MAPK8: variants seen among roughly 807,000 people sequenced by gnomAD.
MAPK8 encodes the protein mitogen-activated protein kinase 8.
A neutral mutation model predicts 52.9 loss-of-function variants in MAPK8; 13 were observed. The observed-to-expected ratio is 0.25, with a 90% CI of 0.16 to 0.39. The LOEUF (loss-of-function observed/expected upper bound fraction) is 0.39, where lower values mean the gene tolerates loss of function less well. Ranked by LOEUF, MAPK8 falls within the 10% of genes least tolerant of loss-of-function variation. MAPK8 has a pLI of 1.00. For synonymous variants in MAPK8, 191 were observed against 169.8 expected, an observed-to-expected ratio of 1.12 and a Z score of -0.97; for missense variants, 300 against 519.2, an observed-to-expected ratio of 0.58 and a Z score of 4.10.
At chr10:48,327,185 C>G (rs1442015213) in intron 1 of MAPK8, among the ~76,000 whole-genome samples, 6 of 151,946 alleles carry the variant, frequency 3.9e-5, no homozygotes, top group African/African-American at 7.3e-5. Flanking sequence ...CCATTAAGTA[C>G]TATGTTCACT....
At chr10:48,398,956 C>T (rs1046614889) in intron 1 of MAPK8, among the ~76,000 whole-genome samples, 3 of 152,172 alleles carry the variant, frequency 2.0e-5, no homozygotes, top group Non-Finnish European at 4.4e-5. Context: ...ATACATTAAT[C>T]GAAACTCATC....
chr10:48,377,195 A>G (rs1361980169), intron 1 of MAPK8, among the ~76,000 whole-genome samples: 5 of 152,166 alleles, frequency 3.3e-5, no homozygotes, highest in African/African-American at 1.2e-4. Context: ...GGAGGGGAAC[A>G]TCACACACCA....
At chr10:48,333,936 C>T (rs1844405990) in intron 1 of MAPK8, among the ~76,000 whole-genome samples, 1 of 150,938 alleles carries the variant, frequency 6.6e-6, no homozygotes. Context: ...TGGAGCCTGG[C>T]GCTTCTGCCA....
intron 7 of MAPK8, among the ~76,000 whole-genome samples, chr10:48,424,776 G>A (rs1415907173): frequency 1.3e-5 from 2 of 151,974 alleles, no homozygotes; most frequent in Non-Finnish European, 2.9e-5. Context: ...TCTGAACCCT[G>A]CTCAATTGTA....
intron 7 of MAPK8, chr10:48,425,288 C>G: frequency 1.5e-6 from 1 of 670,506 alleles, no homozygotes; most frequent in Non-Finnish European, 2.7e-6. Context: ...CCAAGAAATC[C>G]TAACCTTACA....
At chr10:48,358,306 T>C (rs1483590254) in intron 1 of MAPK8, among the ~76,000 whole-genome samples, 1 of 152,216 alleles carries the variant, frequency 6.6e-6, no homozygotes, top group Non-Finnish European at 1.5e-5. Context: ...ATTCTAATTA[T>C]CCACATCGTG....
intron 1 of MAPK8, among the ~76,000 whole-genome samples, chr10:48,356,613 A>T (rs1182862995): frequency 6.6e-6 from 1 of 152,094 alleles, no homozygotes; most frequent in African/African-American, 2.4e-5. Flanking sequence ...AGGCCGAGGC[A>T]GGTGGATCAC....
At chr10:48,413,814 G>GTTATATAT (rs2042891864) in intron 5 of MAPK8, among the ~76,000 whole-genome samples, 7 of 31,140 alleles carry the variant, frequency 2.2e-4, no homozygotes, top group Non-Finnish European at 3.9e-4. Context: ...TGCCAGAATT[G>GTTATATAT]TTATATATAT....
chr10:48,318,992 A>AT (rs747820556), intron 1 of MAPK8, among the ~76,000 whole-genome samples: 22 of 152,110 alleles, frequency 1.4e-4, no homozygotes, highest in Non-Finnish European at 2.6e-4. Context: ...GGAGAGCTGG[A>AT]TTTTTTCTGG....
intron 5 of MAPK8, among the ~76,000 whole-genome samples, chr10:48,417,738 G>A (rs1480346082): frequency 6.6e-6 from 1 of 152,164 alleles, no homozygotes; most frequent in East Asian, 1.9e-4. Flanking sequence ...TCTGGGGTGA[G>A]CAGGAATATT....
At chr10:48,397,737 T>A (rs545055592) in intron 1 of MAPK8, among the ~76,000 whole-genome samples, 3 of 152,090 alleles carry the variant, frequency 2.0e-5, no homozygotes, top group Admixed American at 1.3e-4. Flanking sequence ...ACTACAGGCA[T>A]ATGCCACCAC....
chr10:48,334,581 T>C (rs1003303135), intron 1 of MAPK8, among the ~76,000 whole-genome samples: 1 of 152,090 alleles, frequency 6.6e-6, no homozygotes, highest in African/African-American at 2.4e-5. Flanking sequence ...TGAATAACAG[T>C]CTCAGGTTTG....
chr10:48,346,804 G>A (rs1042211014), intron 1 of MAPK8, among the ~76,000 whole-genome samples: 16 of 152,272 alleles, frequency 1.1e-4, no homozygotes, highest in African/African-American at 1.4e-4. Context: ...AAATAATGGC[G>A]TAAGCTGTCT....
intron 11 of MAPK8, 34 bp downstream of exon 11, chr10:48,431,304 GTTTAC>G (rs759471301): frequency 7.0e-7 from 1 of 1,431,828 alleles, no homozygotes; most frequent in Non-Finnish European, 9.8e-7. Flanking sequence ...TAAGATTACA[GTTTAC>G]TTCTTGTGTT....
At chr10:48,345,485 A>G (rs1466789038) in intron 1 of MAPK8, among the ~76,000 whole-genome samples, 1 of 152,232 alleles carries the variant, frequency 6.6e-6, no homozygotes, top group Non-Finnish European at 1.5e-5. Flanking sequence ...TGAGTCCAAG[A>G]TCTAATTCTG....
chr10:48,408,660 C>T (rs2042590120), intron 3 of MAPK8, among the ~76,000 whole-genome samples: 1 of 152,090 alleles, frequency 6.6e-6, no homozygotes, highest in Non-Finnish European at 1.5e-5. Flanking sequence ...CTTTCTTTTA[C>T]CATATTATAG....
intron 1 of MAPK8, among the ~76,000 whole-genome samples, chr10:48,315,556 C>G (rs1403209460): frequency 6.7e-6 from 1 of 149,818 alleles, no homozygotes; most frequent in African/African-American, 2.4e-5. Context: ...TTCCTGATAG[C>G]ATTTTTAAAC....
At chr10:48,404,446 G>C (rs528183703) in intron 2 of MAPK8, among the ~76,000 whole-genome samples, 48 of 152,278 alleles carry the variant, frequency 3.2e-4, no homozygotes, top group African/African-American at 1.2e-3. Context: ...GTGAGCCACT[G>C]CACCCAGCCT....
chr10:48,427,018 A>G, intron 9 of MAPK8, 62 bp from the exon 10 acceptor site: 1 of 1,214,842 alleles, frequency 8.2e-7, no homozygotes, highest in Non-Finnish European at 1.2e-6. Context: ...TATTTCAAAT[A>G]ACTACAGAGT....
Sources: allele counts gnomAD v4.1 joint callset (sites outside exome capture counted in the v4.1 genomes callset), GRCh38; gene constraint gnomAD v4.1.1; transcripts MANE v1.5; gene names NCBI Gene and HGNC (gene_info 2026-07-23, HGNC 2026-07-21).